TMEM108: variants seen among roughly 807,000 people sequenced by gnomAD.
The protein encoded by TMEM108 is cancer/testis antigen 124.
TMEM108 carries 12 observed loss-of-function variants against 35.1 expected under a neutral mutation model. The ratio of observed to expected loss-of-function variants is 0.34; its 90% CI spans 0.22 to 0.55. The LOEUF is 0.55. Ranked by LOEUF, TMEM108 falls within the 20% of genes least tolerant of loss-of-function variation. TMEM108 has a pLI of 0.89. For synonymous variants in TMEM108, 287 were observed against 308.6 expected, an observed-to-expected ratio of 0.93 and a Z score of 0.73; for missense variants, 680 against 753.3, an observed-to-expected ratio of 0.90 and a Z score of 1.14.
intron 4 of TMEM108, chr3:133,389,342 G>A: frequency 1.0e-6 from 1 of 985,544 alleles, no homozygotes; most frequent in Non-Finnish European, 1.2e-6. Flanking sequence ...GGCCATCTGT[G>A]CAGGTGGGCT....
At chr3:133,080,594 G>T (rs1943797293) in intron 2 of TMEM108, among the ~76,000 whole-genome samples, 1 of 152,078 alleles carries the variant, frequency 6.6e-6, no homozygotes, top group African/African-American at 2.4e-5. Flanking sequence ...CCTTTCCATA[G>T]CTCTTTGTTC....
In TMEM108 at chr3:133,204,759, GAGA is replaced by G. The variant is rs1490919626; in HGVS notation, c.-46-24503_-46-24501del. Among the ~76,000 whole-genome samples, 7 of 152,214 alleles carry G rather than the reference GAGA, an allele frequency of 4.6e-5. No homozygotes were observed. The East Asian group carries it at 1.3e-3, about 29-fold the overall frequency. ...TTTAGAATAAGTGTGATTTGGTCCT[GAGA>G]AGACTGTATATTCTGTTGATTTGGG... On this transcript the variant is annotated intron_variant, in intron 2 of 5. Transcript: ENST00000321871.
At chr3:133,146,800 C>T (rs895402834) in intron 2 of TMEM108, among the ~76,000 whole-genome samples, 1 of 152,118 alleles carries the variant, frequency 6.6e-6, no homozygotes, top group African/African-American at 2.4e-5. Context: ...TCTGTGGGAT[C>T]AGTGTTGATA....
At chr3:133,378,228 G>GCC (rs1576527454) in intron 3 of TMEM108, 3 of 548,714 alleles carry the variant, frequency 5.5e-6, no homozygotes, top group Non-Finnish European at 7.0e-6. Flanking sequence ...ATTTAGAAGT[G>GCC]CAGGGTGAGG....
At chr3:133,170,047 T>C (rs1457686407) in intron 2 of TMEM108, among the ~76,000 whole-genome samples, 1 of 152,222 alleles carries the variant, frequency 6.6e-6, no homozygotes, top group Non-Finnish European at 1.5e-5. Context: ...GGATAACTTT[T>C]ACACCACAGC....
intron 2 of TMEM108, among the ~76,000 whole-genome samples, chr3:133,211,260 C>G (rs1264078887): frequency 6.6e-6 from 1 of 152,066 alleles, no homozygotes; most frequent in Non-Finnish European, 1.5e-5. Context: ...ATGACCTTAC[C>G]TCCCTTTCTA....
intron 2 of TMEM108, among the ~76,000 whole-genome samples, chr3:133,140,064 T>C (rs1366631261): frequency 6.6e-6 from 1 of 152,216 alleles, no homozygotes; most frequent in Admixed American, 6.5e-5. Flanking sequence ...TTATAAATCC[T>C]TTTCAATTTG....
intron 3 of TMEM108, among the ~76,000 whole-genome samples, chr3:133,318,642 ATACAGG>A (rs2071226932): frequency 6.6e-6 from 1 of 152,214 alleles, no homozygotes; most frequent in South Asian, 2.1e-4. Flanking sequence ...GTGGGACAGT[ATACAGG>A]ACAAATGACC....
chr3:133,353,947 G>A (rs946692714), intron 3 of TMEM108, among the ~76,000 whole-genome samples: 9 of 152,300 alleles, frequency 5.9e-5, no homozygotes, highest in African/African-American at 1.7e-4. Flanking sequence ...AGAAGCATTA[G>A]TTTGCTTGTG....
At chr3:133,230,264 T>C (rs1946133264) in intron 3 of TMEM108, among the ~76,000 whole-genome samples, 1 of 152,232 alleles carries the variant, frequency 6.6e-6, no homozygotes, top group Non-Finnish European at 1.5e-5. Flanking sequence ...GCCCTTAGAA[T>C]TTAGTAATTC....
intron 3 of TMEM108, among the ~76,000 whole-genome samples, chr3:133,320,414 A>G (rs1205820419): frequency 6.6e-6 from 1 of 152,156 alleles, no homozygotes; most frequent in Non-Finnish European, 1.5e-5. Flanking sequence ...CAGTAGAATC[A>G]AACAAGTAGA....
intron 2 of TMEM108, among the ~76,000 whole-genome samples, chr3:133,201,649 T>C (rs1015335773): frequency 6.6e-6 from 1 of 152,162 alleles, no homozygotes; most frequent in African/African-American, 2.4e-5. Flanking sequence ...TTTATGCCTG[T>C]GTAGTATTCC....
intron 3 of TMEM108, among the ~76,000 whole-genome samples, chr3:133,332,513 G>C (rs1023679287): frequency 2.0e-5 from 3 of 152,226 alleles, no homozygotes; most frequent in African/African-American, 7.2e-5. Flanking sequence ...ACAGGGACCA[G>C]AGAGATCCAT....
At chr3:133,372,202 C>G (rs1304322771) in intron 3 of TMEM108, among the ~76,000 whole-genome samples, 2 of 152,178 alleles carry the variant, frequency 1.3e-5, no homozygotes, top group Non-Finnish European at 1.5e-5. Flanking sequence ...TTATCTTCAT[C>G]AAGCATTCCT....
chr3:133,128,637 G>C (rs1006631433), intron 2 of TMEM108, among the ~76,000 whole-genome samples: 1 of 152,142 alleles, frequency 6.6e-6, no homozygotes, highest in Non-Finnish European at 1.5e-5. Flanking sequence ...CTTCTCACCT[G>C]TCAAGTGAGA....
chr3:133,250,272 C>T (rs116291825), intron 3 of TMEM108, among the ~76,000 whole-genome samples: 13 of 152,244 alleles, frequency 8.5e-5, no homozygotes, highest in Non-Finnish European at 1.5e-4. Flanking sequence ...CCTCCTCTTC[C>T]GCTCTACCTC....
intron 3 of TMEM108, among the ~76,000 whole-genome samples, chr3:133,296,719 G>A (rs193103349): frequency 6.6e-6 from 1 of 152,296 alleles, no homozygotes; most frequent in African/African-American, 2.4e-5. Flanking sequence ...CTTGGGGGCT[G>A]TTGATGGACA....
At chr3:133,302,985 T>C (rs1200308133) in intron 3 of TMEM108, among the ~76,000 whole-genome samples, 1 of 152,152 alleles carries the variant, frequency 6.6e-6, no homozygotes, top group Non-Finnish European at 1.5e-5. Flanking sequence ...CTGCTCTGTT[T>C]TTAAACTGTC....
chr3:133,089,311 T>A (rs16839975), intron 2 of TMEM108, among the ~76,000 whole-genome samples: 2,825 of 152,302 alleles, frequency 0.019, 98 homozygotes, highest in African/African-American at 0.064. Context: ...ATGATGTCAG[T>A]TCTCTGGTCA....
Sources: gnomAD v4.1 joint callset for allele counts (sites outside exome capture counted in the v4.1 genomes callset) on GRCh38, gnomAD v4.1.1 for gene constraint, MANE v1.5 for transcripts, NCBI Gene and HGNC (gene_info 2026-07-23, HGNC 2026-07-21) for gene names.